SEMA4C: variants seen among roughly 807,000 people sequenced by gnomAD.
SEMA4C encodes the protein semaphorin-4C.
In SEMA4C, 19 loss-of-function variants were observed where a neutral mutation model predicts 89.0. The ratio of observed to expected loss-of-function variants is 0.21; its 90% confidence interval spans 0.15 to 0.31. The LOEUF (loss-of-function observed/expected upper bound fraction) is 0.31. SEMA4C is among the 10% of genes least tolerant of loss of function. SEMA4C has a pLI of 1.00. For synonymous variants in SEMA4C, 428 were observed against 472.7 expected (o/e 0.91, Z 1.23); for missense variants, 811 against 1,107.0 (o/e 0.73, Z 3.79).
Position 96,864,113 on chromosome 2 carries a change from G to A in SEMA4C, c.1143C>T (p.Thr381=), listed in dbSNP as rs1473922285. 1.2e-6 allele frequency: 2 copies of A among 1,612,930 alleles called. No homozygotes were observed. The highest frequency in any genetic ancestry group is 1.7e-6 in the Non-Finnish European group (2 of 1,179,992). The change falls in exon 11 of 15, where the codon ACC becomes ACT. Residue 381 remains threonine (T), a synonymous_variant. Transcript: ENST00000305476. This position sits in a 1 kb window ranked among gnomAD's most constrained non-coding sequence, Gnocchi z 6.3. The stretch of plus-strand genomic sequence containing the variant: ...TGTTGTCGGGTAGCTCCAGGGAGCT[G>A]GTGTAGCCGTGGCGCCGATGCCAGT... ...INNWHRRHGY[T]SSLELPDNIL...
In SEMA4C at chr2:96,861,322, G is replaced by C; in HGVS notation, c.1806C>G (p.Ser602=). ...GRDLPAEQPG[S]FLYDARLQAL... ...CCTGGAGCCGGGCATCGTAGAGGAA[G>C]GACCCGGGCTGTTCCGCAGGCAGGT... Residue 602 remains serine (S), a synonymous_variant, in exon 15 of 15, where the codon TCC becomes TCG. Transcript: ENST00000305476. The surrounding 1 kb of genome is among the most constrained non-coding windows in gnomAD (Gnocchi z 7.8). 1 of 1,607,358 alleles carries C rather than the reference G, an allele frequency of 6.2e-7. No individual in the cohort carries two copies. Among genetic ancestry groups the C allele is most frequent in the Admixed American group, 1.7e-5 (1 of 60,010 alleles).
intron 12 of SEMA4C, 186 bp from the exon 13 acceptor site, chr2:96,862,080 G>C: frequency 3.1e-6 from 2 of 639,282 alleles, no homozygotes; most frequent in Non-Finnish European, 5.3e-6. Context: ...AAGAACCGCA[G>C]AACTCAGAGG....
chr2:96,864,224 G>A lies in SEMA4C; in HGVS notation c.1107+14C>T. On this transcript the variant is annotated intron_variant, in intron 10 of 14. Coordinates refer to ENST00000305476, the MANE Select transcript of SEMA4C (RefSeq NM_017789.5). The surrounding 1 kb of genome is among the most constrained non-coding windows in gnomAD (Gnocchi z 6.3). ...CAGCTGGGTGGGGAGATGCATCCCT[G>A]CCCTAGCACTCACCGAGCCAGGCCG... The A allele has an allele frequency of 6.2e-7, 1 of 1,613,792 alleles. No homozygotes were observed.
chr2:96,868,827 C>G (rs1034904673), intron 1 of SEMA4C: 1 of 985,252 alleles, frequency 1.0e-6, no homozygotes, highest in Admixed American at 6.1e-5. Flanking sequence ...GCTGCGCTCC[C>G]GCGACTCTGA....
chr2:96,861,488 G>C lies in SEMA4C; in HGVS notation c.1673-33C>G. ...GGCAGAGAAAACAGAGTGCATGTTA[G>C]TGCAGGAAAGCAGGGCTGGGGAAGA... On this transcript the variant is annotated intron_variant, in intron 14 of 14. Coordinates refer to ENST00000305476, the MANE Select transcript of SEMA4C (RefSeq NM_017789.5). This position sits in a 1 kb window ranked among gnomAD's most constrained non-coding sequence, Gnocchi z 7.8. The C allele has an allele frequency of 1.2e-6, 2 of 1,610,688 alleles. No homozygotes were observed. The highest frequency in any genetic ancestry group is 1.7e-6 in the Non-Finnish European group (2 of 1,177,374).
chr2:96,867,736 C>T (rs773103176), intron 2 of SEMA4C, 42 bp downstream of exon 2: 2 of 1,584,734 alleles, frequency 1.3e-6, no homozygotes, highest in Non-Finnish European at 1.7e-6. Flanking sequence ...AACTCCTCAG[C>T]AGCCTGTCCC....
chr2:96,860,145 C>T lies in SEMA4C; in HGVS notation c.*481G>A, dbSNP rs568002876. ...CCACCTCCATATGTACATCGCTGCC[C>T]GACACTCGGGGCAGTGGGGGTAGGA... On this transcript the variant is annotated 3_prime_UTR_variant, in exon 15 of 15. Transcript: ENST00000305476. The T allele has an allele frequency of 1.9e-4, 30 of 159,202 alleles. No homozygotes were observed. Among genetic ancestry groups the T allele is most frequent in the Middle Eastern group, 3.2e-3 (1 of 316 alleles). The allele number at this position is 159,202 out of a possible 1,614,324, so 9.9% of individuals were successfully genotyped here.
At chr2:96,862,456 A>G (rs1184234061) in intron 12 of SEMA4C, 2 of 153,090 alleles carry the variant, frequency 1.3e-5, no homozygotes, top group African/African-American at 4.8e-5. Flanking sequence ...ACAGCAGGTC[A>G]TGCCTGGAAT....
At chr2:96,866,564 A>C (rs760642462) in intron 2 of SEMA4C, 133 bp from the exon 3 acceptor site, 1 of 1,272,322 alleles carries the variant, frequency 7.9e-7, no homozygotes, top group Non-Finnish European at 1.1e-6. Flanking sequence ...AATAAAGGAC[A>C]CTTTTGAAAC....
chr2:96,863,462 T>G, intron 12 of SEMA4C: 2 of 1,330,988 alleles, frequency 1.5e-6, no homozygotes, highest in South Asian at 1.7e-5. Flanking sequence ...CCCCGTGACC[T>G]GGCTATATAT....
At position 96,861,156 on chromosome 2, in the gene SEMA4C, G is replaced by A. The variant is rs1431535431; in HGVS notation, c.1972C>T (p.Pro658Ser). Residue 658 changes from proline to serine, a missense_variant, in exon 15 of 15, where the codon CCC (proline) becomes TCC (serine). By Grantham distance (74) the Pro-to-Ser change is moderately conservative. Transcript: ENST00000305476. The surrounding 1 kb of genome is among the most constrained non-coding windows in gnomAD (Gnocchi z 7.8). ...GPSVTLEARAPLENLGLVWLA... is the reference protein window; with the variant it reads ...GPSVTLEARASLENLGLVWLA... ...CACACCAGCCCCAGGTTTTCCAGGG[G>A]GGCCCGGGCCTCCAAGGTCACCGAC... 5 of 1,610,774 alleles carry A rather than the reference G, an allele frequency of 3.1e-6. No homozygotes were observed. The African/African-American group carries it at 5.3e-5, about 17-fold the overall frequency.
In SEMA4C at chr2:96,865,025, C is replaced by T. The variant is rs141680041; in HGVS notation, c.725G>A (p.Arg242Gln). Residue 242 changes from arginine (R) to glutamine (Q), a missense_variant, in exon 8 of 15, where the codon CGG becomes CAG. Arg to Gln is a conservative substitution (Grantham distance 43, BLOSUM62 1). This residue lies in a region of SEMA4C where 441 missense variants were observed against 664.9 expected (regional missense o/e 0.66). Transcript: ENST00000305476. ...DDKVYFFFRE[R>Q]AVESDCYAEQ... ...GGCATAGCAGTCGGACTCCACTGCC[C>T]GCTCCCTGAAGAAGAAGTAGACCTT... The T allele has an allele frequency of 9.6e-5, 150 of 1,557,786 alleles. No individual in the cohort carries two copies. Among genetic ancestry groups the T allele is most frequent in the Non-Finnish European group, 1.2e-4 (134 of 1,150,598 alleles).
At chr2:96,869,010 G>A in intron 1 of SEMA4C, 4 of 985,394 alleles carry the variant, frequency 4.1e-6, no homozygotes, top group Non-Finnish European at 4.8e-6. Context: ...GGTCCCCCCG[G>A]GTTCTCCCCT....
Position 96,861,368 on chromosome 2 carries a change from C to T in SEMA4C, c.1760G>A (p.Arg587His), listed in dbSNP as rs775883831. The stretch of plus-strand genomic sequence containing the variant: ...CAGGTCCCGGCCCCCAAAGGTCCAG[C>T]GGGCATGGGCCAAGTTGGAGGAGAG... Reference protein sequence around the residue: ...CHLSSNLAHARWTFGGRDLPA... With the variant: ...CHLSSNLAHAHWTFGGRDLPA... Residue 587 changes from arginine (R) to histidine (H), a missense_variant, in exon 15 of 15, where the codon CGC (arginine) becomes CAC (histidine). Arg to His is a conservative substitution (Grantham distance 29). Transcript: ENST00000305476. The surrounding 1 kb of genome is among the most constrained non-coding windows in gnomAD (Gnocchi z 7.8). 73 of 1,608,488 alleles carry T rather than the reference C, an allele frequency of 4.5e-5. No homozygotes were observed. The highest frequency in any genetic ancestry group is 2.1e-4 in the African/African-American group (16 of 74,934).
Position 96,864,181 on chromosome 2 carries a change from C to T in SEMA4C, c.1108-33G>A, listed in dbSNP as rs770089077. On this transcript the variant is annotated intron_variant, in intron 10 of 14. Transcript: ENST00000305476. This position sits in a 1 kb window ranked among gnomAD's most constrained non-coding sequence, Gnocchi z 6.3. ...CAGGGTGTGGGGGGCAGGCCATCAG[C>T]AGGGTGGGATGGCACCGCAGCTGGG... The T allele has an allele frequency of 9.9e-6, 16 of 1,612,748 alleles. No individual in the cohort carries two copies. The South Asian group carries it at 1.5e-4, about 15-fold the overall frequency.
At chr2:96,863,869 G>A in intron 11 of SEMA4C, 57 bp downstream of exon 11, 1 of 1,598,494 alleles carries the variant, frequency 6.3e-7, no homozygotes, top group East Asian at 2.2e-5. Flanking sequence ...CCCTGCCCTG[G>A]GCACACGGGC....
intron 1 of SEMA4C, chr2:96,869,160 G>A: frequency 1.0e-6 from 1 of 985,374 alleles, no homozygotes; most frequent in South Asian, 4.7e-5. Flanking sequence ...CCCCCAAAAC[G>A]CCCGCGGCCT....
At position 96,865,459 on chromosome 2, in the gene SEMA4C, G is replaced by A. The variant is rs754086591; in HGVS notation, c.499C>T (p.His167Tyr). 6 of 1,613,974 alleles carry A rather than the reference G, an allele frequency of 3.7e-6. No homozygotes were observed. In the South Asian group the frequency reaches 4.4e-5, roughly 12 times the overall value. ...GKCPYDPAKG[H>Y]AGLLVDGELY... ...CACTCACCCACAAGAAGGCCAGCAT[G>A]GCCCTTAGCTGGGTCATAGGGACAC... Residue 167 changes from histidine to tyrosine, a missense_variant, in exon 6 of 15, where the codon CAT becomes TAT. Coordinates refer to ENST00000305476, the MANE Select transcript of SEMA4C (RefSeq NM_017789.5).
chr2:96,861,948 G>T lies in SEMA4C; in HGVS notation c.1444-54C>A, dbSNP rs2079956342. On this transcript the variant is annotated intron_variant, in intron 12 of 14. Transcript: ENST00000305476. This position sits in a 1 kb window ranked among gnomAD's most constrained non-coding sequence, Gnocchi z 7.8. ...GGTCGGCCAGGGCCACACCACGGGA[G>T]GGGCGGCCGGACCAGAACGCAGCAT... The T allele has an allele frequency of 1.3e-6, 2 of 1,545,264 alleles. No individual in the cohort carries two copies. The highest frequency in any genetic ancestry group is 1.7e-6 in the Non-Finnish European group (2 of 1,146,002).
Sources: gnomAD v4.1 joint callset for allele counts on GRCh38, gnomAD v4.1.1 for gene constraint, gnomAD v4.1.1 regional missense constraint, Gnocchi (gnomAD v3.1) non-coding constraint, MANE v1.5 for transcripts, NCBI Gene and HGNC (gene_info 2026-07-23, HGNC 2026-07-21) for gene names.